Variants in DLG2 observed in about 807,000 individuals in gnomAD.
DLG2 encodes discs large MAGUK scaffold protein 2.
In DLG2, 45 loss-of-function variants were observed where a neutral mutation model predicts 132.5. The ratio of observed to expected loss-of-function variants is 0.34; its 90% CI spans 0.27 to 0.44. The LOEUF (loss-of-function observed/expected upper bound fraction) is 0.44. DLG2 is among the 20% of genes least tolerant of loss of function. The pLI, the probability that DLG2 is intolerant of heterozygous loss-of-function variation, is 1.00. For missense variants in DLG2, 1,045 were observed against 1,196.9 expected (o/e 0.87, Z 1.87); for synonymous variants, 424 against 419.6 (o/e 1.01, Z -0.13).
intron 18 of DLG2, among the ~76,000 whole-genome samples, chr11:83,717,399 T>C (rs759573960): frequency 2.0e-5 from 3 of 152,190 alleles, no homozygotes; most frequent in African/African-American, 4.8e-5. Context: ...TGCAAATCTG[T>C]CTGGAGATTA....
chr11:84,728,114 T>G (rs1025740777), intron 6 of DLG2, among the ~76,000 whole-genome samples: 3 of 152,216 alleles, frequency 2.0e-5, no homozygotes, highest in African/African-American at 7.2e-5. Flanking sequence ...TGGCCAGAAC[T>G]TCCAACACTA....
intron 3 of DLG2, among the ~76,000 whole-genome samples, chr11:85,531,425 CAT>C (rs775307349): frequency 6.6e-6 from 1 of 152,198 alleles, no homozygotes; most frequent in African/African-American, 2.4e-5. Flanking sequence ...ATTCAATACA[CAT>C]GTTTTTATAT....
At chr11:83,906,318 CA>C (rs373866981) in intron 15 of DLG2, among the ~76,000 whole-genome samples, 1,522 of 83,474 alleles carry the variant, frequency 0.018, 50 homozygotes, top group East Asian at 0.031. Context: ...CACACACACA[CA>C]CCTCGGCCTC....
intron 7 of DLG2, among the ~76,000 whole-genome samples, chr11:84,293,861 A>G (rs1356624518): frequency 6.6e-6 from 1 of 152,168 alleles, no homozygotes; most frequent in Non-Finnish European, 1.5e-5. Context: ...CATTGTCTAA[A>G]AGGCAAGCTA....
intron 6 of DLG2, among the ~76,000 whole-genome samples, chr11:84,938,628 G>T (rs1482741520): frequency 6.6e-6 from 1 of 152,104 alleles, no homozygotes; most frequent in Admixed American, 6.5e-5. Context: ...AATGCAATTA[G>T]AATTAAAATT....
At chr11:84,896,603 A>G (rs577649205) in intron 6 of DLG2, among the ~76,000 whole-genome samples, 8 of 152,160 alleles carry the variant, frequency 5.3e-5, no homozygotes, top group African/African-American at 1.7e-4. Flanking sequence ...AAAATGTATG[A>G]TGCATATGAA....
chr11:84,443,149 T>C (rs911260059), intron 7 of DLG2, among the ~76,000 whole-genome samples: 1 of 152,214 alleles, frequency 6.6e-6, no homozygotes, highest in Non-Finnish European at 1.5e-5. Flanking sequence ...TCTTCAACAG[T>C]TGAATGTATA....
intron 16 of DLG2, among the ~76,000 whole-genome samples, chr11:83,838,080 C>T (rs1565280276): frequency 1.3e-5 from 2 of 151,918 alleles, no homozygotes; most frequent in African/African-American, 4.8e-5. Context: ...GATTAGGACT[C>T]TGACATTTGT....
intron 19 of DLG2, among the ~76,000 whole-genome samples, chr11:83,571,049 A>G (rs568643703): frequency 4.1e-4 from 62 of 151,958 alleles, no homozygotes; most frequent in African/African-American, 1.4e-3. Context: ...CGCCCGGCTA[A>G]TTTTGTATTT....
At chr11:83,850,364 A>G (rs1051037382) in intron 16 of DLG2, among the ~76,000 whole-genome samples, 4 of 152,130 alleles carry the variant, frequency 2.6e-5, no homozygotes, top group Admixed American at 6.5e-5. Flanking sequence ...CGTGTTAGCC[A>G]GGATGGTCTT....
rs774143129 is a variant in DLG2, at chr11:84,317,123, T to C, written c.520-65832A>G. The C allele has an allele frequency of 1.2e-5, 19 of 1,612,512 alleles. No individual in the cohort carries two copies. The South Asian group carries it at 1.3e-4, about 11-fold the overall frequency. On this transcript the variant is annotated intron_variant, in intron 7 of 27. Coordinates refer to ENST00000376104, the MANE Select transcript of DLG2 (RefSeq NM_001142699.3). ...ATCGGACCCCCGGCTGCAGCTGTGTTGCTTGGTGAGGTATGCATTCATACT... is the reference window on the plus strand; with the variant it reads ...ATCGGACCCCCGGCTGCAGCTGTGTCGCTTGGTGAGGTATGCATTCATACT...
At chr11:83,956,625 G>A (rs1197582889) in intron 14 of DLG2, among the ~76,000 whole-genome samples, 2 of 152,228 alleles carry the variant, frequency 1.3e-5, no homozygotes, top group Admixed American at 6.5e-5. Context: ...CGAGTCCAGT[G>A]AAGGGGCCAA....
At chr11:85,215,456 C>G (rs2082524062) in intron 4 of DLG2, among the ~76,000 whole-genome samples, 1 of 152,142 alleles carries the variant, frequency 6.6e-6, no homozygotes, top group Non-Finnish European at 1.5e-5. Flanking sequence ...AAATATTCCA[C>G]TTTGACCTAA....
At chr11:83,910,649 T>C (rs1301964543) in intron 15 of DLG2, among the ~76,000 whole-genome samples, 1 of 152,118 alleles carries the variant, frequency 6.6e-6, no homozygotes, top group Non-Finnish European at 1.5e-5. Flanking sequence ...TATCGAAACA[T>C]CACTGCACTC....
In DLG2 at chr11:84,427,211, G is replaced by A. The variant is rs564530977; in HGVS notation, c.519+107359C>T. Among the ~76,000 whole-genome samples the A allele has an allele frequency of 1.3e-5, 2 of 151,942 alleles. 1 individual carries two copies. The highest frequency in any genetic ancestry group is 4.2e-4 in the South Asian group (2 of 4,818). On this transcript the variant is annotated intron_variant, in intron 7 of 27. Transcript: ENST00000376104. ...ACTAGGCAGAATATTTAAATGAATG[G>A]TAGGAAGAAAGGAAAAAGGGAATGA...
chr11:84,829,567 A>T (rs2078761656), intron 6 of DLG2, among the ~76,000 whole-genome samples: 1 of 151,860 alleles, frequency 6.6e-6, no homozygotes, highest in African/African-American at 2.4e-5. Context: ...CTTAACAGTT[A>T]AACAGGTCTA....
At chr11:83,607,475 A>T (rs182684013) in intron 19 of DLG2, among the ~76,000 whole-genome samples, 1 of 152,236 alleles carries the variant, frequency 6.6e-6, no homozygotes, top group Non-Finnish European at 1.5e-5. Flanking sequence ...TCTTTTAGTA[A>T]CAGGACTCCT....
At chr11:84,400,198 CT>C (rs1489210235) in intron 7 of DLG2, among the ~76,000 whole-genome samples, 1 of 152,178 alleles carries the variant, frequency 6.6e-6, no homozygotes, top group East Asian at 1.9e-4. Context: ...TTAGGTTTGT[CT>C]AGTGCTTTAT....
intron 4 of DLG2, among the ~76,000 whole-genome samples, chr11:85,267,787 A>G (rs2077304246): frequency 6.6e-6 from 1 of 152,204 alleles, no homozygotes; most frequent in Admixed American, 6.5e-5. Context: ...AAATAATTTA[A>G]GCTACTTTGA....
Sources: gnomAD v4.1 joint callset for allele counts (sites outside exome capture counted in the v4.1 genomes callset) on GRCh38, gnomAD v4.1.1 for gene constraint, MANE v1.5 for transcripts, NCBI Gene and HGNC (gene_info 2026-07-23, HGNC 2026-07-21) for gene names.